Variants in PPP1R1C observed in about 807,000 individuals in gnomAD.
The protein encoded by PPP1R1C is protein phosphatase 1 regulatory inhibitor subunit 1C.
Under a neutral mutation model 17.4 loss-of-function variants are expected in PPP1R1C, and 15 were observed. The observed-to-expected ratio is 0.86, with a 90% CI of 0.58 to 1.33. The LOEUF (loss-of-function observed/expected upper bound fraction) is 1.33. Among genes scored for constraint, PPP1R1C ranks in the 40% most tolerant of loss-of-function variants. PPP1R1C has a pLI of 0.00. For synonymous variants in PPP1R1C, 35 were observed against 43.1 expected, an observed-to-expected ratio of 0.81 and a Z score of 0.73; for missense variants, 143 against 130.0, an observed-to-expected ratio of 1.10 and a Z score of -0.48.
chr2:182,117,255 A>T lies in PPP1R1C; in HGVS notation c.290A>T (p.Glu97Val). 6.4e-7 allele frequency: 1 copy of T among 1,564,974 alleles called. No homozygotes were observed. The highest frequency in any genetic ancestry group is 8.7e-7 in the Non-Finnish European group (1 of 1,154,472). The change falls in exon 5 of 5, where the codon GAA becomes GTA. Residue 97 changes from glutamate (E) to valine (V), a missense_variant. By Grantham distance (121) the Glu-to-Val change is moderately radical (BLOSUM62 -2). Coordinates refer to ENST00000682840, the MANE Select transcript of PPP1R1C (RefSeq NM_001080545.3). ...GQNESAFPEE[E>V]EGTNEREEQR... ...AATGAATCAGCATTCCCTGAAGAAG[A>T]AGAAGGCACCAATGAAAGAGAGGAG... is the stretch of plus-strand genomic sequence containing the variant.
chr2:181,973,796 A>G (rs1685051918), intron 1 of PPP1R1C, among the ~76,000 whole-genome samples: 1 of 152,206 alleles, frequency 6.6e-6, no homozygotes, highest in Non-Finnish European at 1.5e-5. Context: ...ACAGCATGTA[A>G]TGTATGGCCC....
chr2:182,047,019 T>C (rs1687367879), intron 2 of PPP1R1C, among the ~76,000 whole-genome samples: 2 of 152,216 alleles, frequency 1.3e-5, no homozygotes, highest in African/African-American at 4.8e-5. Context: ...CAAATAGTGG[T>C]AAGCAGCTAA....
At chr2:182,072,908 A>G (rs938899154) in intron 4 of PPP1R1C, among the ~76,000 whole-genome samples, 1 of 152,146 alleles carries the variant, frequency 6.6e-6, no homozygotes, top group Admixed American at 6.5e-5. Flanking sequence ...GTTTTGTTTT[A>G]GATTCCTTCA....
chr2:182,125,584 G>C (rs1258694179), intron 5 of PPP1R1C, among the ~76,000 whole-genome samples: 1 of 152,112 alleles, frequency 6.6e-6, no homozygotes, highest in African/African-American at 2.4e-5. Flanking sequence ...ACTTGTTATT[G>C]CTCTATTCGG....
chr2:182,095,155 T>G (rs779563373), intron 4 of PPP1R1C, among the ~76,000 whole-genome samples: 42 of 151,938 alleles, frequency 2.8e-4, no homozygotes, highest in Non-Finnish European at 5.3e-4. Flanking sequence ...AAAAATCAGC[T>G]GGGTGTGGTG....
chr2:182,049,359 AG>A (rs1425812325), intron 2 of PPP1R1C, among the ~76,000 whole-genome samples: 1 of 151,014 alleles, frequency 6.6e-6, no homozygotes, highest in Non-Finnish European at 1.5e-5. Context: ...AAATCTCTCT[AG>A]GGCACCTCAA....
At chr2:182,105,778 G>C (rs769324281) in intron 4 of PPP1R1C, among the ~76,000 whole-genome samples, 10 of 152,182 alleles carry the variant, frequency 6.6e-5, no homozygotes, top group Non-Finnish European at 1.5e-4. Flanking sequence ...ATCCAACTGA[G>C]GGTATATCAC....
At chr2:182,061,596 C>G in intron 3 of PPP1R1C, 117 bp downstream of exon 3, 1 of 539,326 alleles carries the variant, frequency 1.9e-6, no homozygotes, top group East Asian at 3.5e-5. Flanking sequence ...TTAGATTGCT[C>G]CTTCTGACTG....
At chr2:182,106,209 G>T (rs375901675) in intron 4 of PPP1R1C, among the ~76,000 whole-genome samples, 1 of 152,152 alleles carries the variant, frequency 6.6e-6, no homozygotes, top group Non-Finnish European at 1.5e-5. Flanking sequence ...CTCCACCCTC[G>T]GGCCTGTGCC....
At chr2:182,002,757 C>A (rs973744955) in intron 2 of PPP1R1C, among the ~76,000 whole-genome samples, 7 of 152,106 alleles carry the variant, frequency 4.6e-5, no homozygotes, top group Non-Finnish European at 8.8e-5. Context: ...TTTAAAATCT[C>A]AAAATTTAAA....
intron 2 of PPP1R1C, among the ~76,000 whole-genome samples, chr2:182,034,192 C>T (rs1454995613): frequency 6.6e-6 from 1 of 152,138 alleles, no homozygotes; most frequent in Non-Finnish European, 1.5e-5. Context: ...TTTTCTTATA[C>T]ATTGTGCTAT....
intron 1 of PPP1R1C, among the ~76,000 whole-genome samples, chr2:181,971,956 G>A (rs1011196595): frequency 6.6e-6 from 1 of 152,204 alleles, no homozygotes; most frequent in Non-Finnish European, 1.5e-5. Context: ...AGAAGGGATG[G>A]TGTCTGCAAT....
chr2:182,058,946 T>G (rs1687768100), intron 2 of PPP1R1C, among the ~76,000 whole-genome samples: 1 of 152,144 alleles, frequency 6.6e-6, no homozygotes, highest in Non-Finnish European at 1.5e-5. Context: ...AATTTTTTAT[T>G]ACAACTAGTT....
chr2:182,026,284 C>T (rs890640439), intron 2 of PPP1R1C, among the ~76,000 whole-genome samples: 1 of 130,114 alleles, frequency 7.7e-6, no homozygotes, highest in Admixed American at 8.1e-5. Flanking sequence ...AGTCCTTGCC[C>T]ATGCCTATGT....
At chr2:182,052,193 G>C (rs557188296) in intron 2 of PPP1R1C, among the ~76,000 whole-genome samples, 1 of 152,152 alleles carries the variant, frequency 6.6e-6, no homozygotes, top group Admixed American at 6.5e-5. Context: ...TTTCTTTGTG[G>C]CTCCAGGTAA....
At position 181,997,687 on chromosome 2, in the gene PPP1R1C, TTTGAG is replaced by T. The variant is rs544568708; in HGVS notation, c.142+9790_142+9794del. Among the ~76,000 whole-genome samples, 938 of 152,330 alleles carry T rather than the reference TTTGAG, an allele frequency of 6.2e-3. 6 individuals carry two copies. Among genetic ancestry groups the T allele is most frequent in the Non-Finnish European group, 0.01 (711 of 68,026 alleles). ...ACAATACTTTAAGATTATATTCTCA[TTTGAG>T]TAGGTTTCATATGCCCATTTTCATG... On this transcript the variant is annotated intron_variant, in intron 2 of 4. Coordinates refer to ENST00000682840, the MANE Select transcript of PPP1R1C (RefSeq NM_001080545.3).
intron 2 of PPP1R1C, among the ~76,000 whole-genome samples, chr2:182,045,684 T>G (rs1293625804): frequency 6.6e-6 from 1 of 152,154 alleles, no homozygotes; most frequent in Non-Finnish European, 1.5e-5. Context: ...TTACTCATAA[T>G]AGTGATACTC....
chr2:182,089,896 C>T (rs1218588385), intron 4 of PPP1R1C, among the ~76,000 whole-genome samples: 4 of 151,918 alleles, frequency 2.6e-5, no homozygotes, highest in Non-Finnish European at 5.9e-5. Flanking sequence ...TCATCATTAT[C>T]TTCTAATGGC....
intron 4 of PPP1R1C, among the ~76,000 whole-genome samples, chr2:182,091,482 A>T (rs915862932): frequency 1.7e-3 from 208 of 124,300 alleles, no homozygotes; most frequent in Non-Finnish European, 2.5e-3. Flanking sequence ...CTTAAAAAAA[A>T]AATAATAAAA....
Sources: gnomAD v4.1 joint callset for allele counts (sites outside exome capture counted in the v4.1 genomes callset) on GRCh38, gnomAD v4.1.1 for gene constraint, MANE v1.5 for transcripts, NCBI Gene and HGNC (gene_info 2026-07-23, HGNC 2026-07-21) for gene names.